Variants in PHKB observed in about 807,000 individuals in gnomAD.
PHKB encodes phosphorylase b kinase regulatory subunit beta.
In PHKB, 122 loss-of-function variants were observed where a neutral mutation model predicts 152.1. The ratio of observed to expected loss-of-function variants is 0.80; its 90% confidence interval spans 0.69 to 0.93. The LOEUF is 0.93. Among genes scored for constraint, PHKB ranks in the 40% least tolerant of loss-of-function variants. The probability of loss-of-function intolerance (pLI) is 0.00; values close to 1 mark genes in which losing one functional copy is unlikely to be tolerated. For missense variants in PHKB, 1,304 were observed against 1,328.4 expected (o/e 0.98, Z 0.29); for synonymous variants, 436 against 464.9 (o/e 0.94, Z 0.80).
Position 47,557,224 on chromosome 16 carries a change from A to G in PHKB, c.710+9676A>G, listed in dbSNP as rs542556130. 3.9e-5 allele frequency among the ~76,000 whole-genome samples: 6 copies of G among 152,302 alleles called. No homozygotes were observed. The East Asian group carries it at 1.2e-3, about 29-fold the overall frequency. On this transcript the variant is annotated intron_variant, in intron 7 of 30. Coordinates refer to ENST00000323584, the MANE Select transcript of PHKB (RefSeq NM_000293.3). ...GATCCCTTCCTTACACCTTATACAA[A>G]AATTAATTCAAGATGGATTAAAGAC...
intron 5 of PHKB, among the ~76,000 whole-genome samples, chr16:47,515,198 G>T (rs1970575225): frequency 6.6e-6 from 1 of 152,176 alleles, no homozygotes; most frequent in Admixed American, 6.5e-5. Flanking sequence ...AAAAACAAAT[G>T]ATATGTTCCT....
intron 16 of PHKB, among the ~76,000 whole-genome samples, chr16:47,646,572 T>TAA (rs35849346): frequency 0.083 from 8,936 of 107,474 alleles, 513 homozygotes; most frequent in African/African-American, 0.18. Flanking sequence ...AAAAAAATAA[T>TAA]AAAAAAAAAA....
intron 7 of PHKB, among the ~76,000 whole-genome samples, chr16:47,577,261 G>C (rs974175670): frequency 6.6e-6 from 1 of 152,036 alleles, no homozygotes; most frequent in African/African-American, 2.4e-5. Flanking sequence ...TTCAAATGAA[G>C]TATAGAAAAC....
intron 3 of PHKB, among the ~76,000 whole-genome samples, chr16:47,500,725 C>T (rs1970311276): frequency 6.6e-6 from 1 of 151,154 alleles, no homozygotes; most frequent in Non-Finnish European, 1.5e-5. Flanking sequence ...AATAGTTAGA[C>T]AATACAAAAT....
chr16:47,663,744 A>G lies in PHKB; in HGVS notation c.2336+10A>G. On this transcript the variant is annotated intron_variant, in intron 24 of 30. Coordinates refer to ENST00000323584, the MANE Select transcript of PHKB (RefSeq NM_000293.3). The stretch of plus-strand genomic sequence containing the variant: ...GCAGCCAAAAACTTTGGTTTGTATT[A>G]GTGTCCTTGTTGTTATGTTTTATTT... 2 of 1,495,648 alleles carry G rather than the reference A, an allele frequency of 1.3e-6. No homozygotes were observed. The highest frequency in any genetic ancestry group is 1.1e-5 in the South Asian group (1 of 88,752). The allele number at this position is 1,495,648 out of a possible 1,614,324, so 92.6% of individuals were successfully genotyped here.
intron 14 of PHKB, among the ~76,000 whole-genome samples, chr16:47,611,249 T>C (rs370674393): frequency 1.6e-4 from 25 of 152,222 alleles, no homozygotes; most frequent in African/African-American, 4.8e-4. Flanking sequence ...CCAAAAGGCC[T>C]GTGCTTGATG....
intron 1 of PHKB, among the ~76,000 whole-genome samples, chr16:47,476,850 C>A (rs1406370984): frequency 6.6e-6 from 1 of 152,138 alleles, no homozygotes; most frequent in East Asian, 1.9e-4. Context: ...TCATATGATG[C>A]CCCAGTGGCT....
intron 7 of PHKB, among the ~76,000 whole-genome samples, chr16:47,564,358 TAATG>T (rs1268723548): frequency 3.9e-5 from 6 of 152,182 alleles, no homozygotes; most frequent in Non-Finnish European, 8.8e-5. Context: ...GACTTTTTAA[TAATG>T]GTAATTCTGG....
intron 1 of PHKB, chr16:47,462,620 T>TGA (rs973705537): frequency 6.6e-6 from 1 of 150,982 alleles, no homozygotes; most frequent in Non-Finnish European, 1.5e-5. Context: ...GGCGACAGAG[T>TGA]GAGACTCCGT....
intron 16 of PHKB, among the ~76,000 whole-genome samples, chr16:47,645,393 A>C (rs1444774359): frequency 9.0e-6 from 1 of 111,284 alleles, no homozygotes; most frequent in African/African-American, 3.5e-5. Flanking sequence ...TTTTTGTATA[A>C]GGTGTAAGGA....
intron 2 of PHKB, among the ~76,000 whole-genome samples, chr16:47,499,178 C>A (rs923049671): frequency 6.6e-6 from 1 of 152,120 alleles, no homozygotes; most frequent in African/African-American, 2.4e-5. Context: ...ATTTTCCTAA[C>A]CTGTACAATA....
chr16:47,643,631 A>G (rs949787056), intron 16 of PHKB, among the ~76,000 whole-genome samples: 4 of 152,142 alleles, frequency 2.6e-5, no homozygotes, highest in African/African-American at 7.2e-5. Context: ...TTGGATATAT[A>G]CTAAGATATA....
intron 23 of PHKB, among the ~76,000 whole-genome samples, chr16:47,662,947 T>C (rs949529232): frequency 4.6e-5 from 7 of 152,164 alleles, no homozygotes; most frequent in Admixed American, 4.6e-4. Flanking sequence ...AAGGGAATGA[T>C]GTTGTAAACC....
chr16:47,566,629 G>A, intron 7 of PHKB: 1 of 1,167,966 alleles, frequency 8.6e-7, no homozygotes, highest in Non-Finnish European at 1.3e-6. Flanking sequence ...AATTTGGGAA[G>A]ATGGCTCCAG....
intron 25 of PHKB, among the ~76,000 whole-genome samples, chr16:47,668,444 C>T (rs1973577320): frequency 6.6e-6 from 1 of 152,068 alleles, no homozygotes; most frequent in South Asian, 2.1e-4. Flanking sequence ...GTACACTGTA[C>T]ATGAAAAAGA....
Position 47,556,890 on chromosome 16 carries a change from A to T in PHKB, c.710+9342A>T, listed in dbSNP as rs184927079. On this transcript the variant is annotated intron_variant, in intron 7 of 30. Transcript: ENST00000323584. ...TCAGGTAGAATTCGGCTGTGAATCC[A>T]TCTGGTCCTGGACTCTTTTTGGTTG... 4.6e-4 allele frequency among the ~76,000 whole-genome samples: 70 copies of T among 152,218 alleles called. 1 individual carries two copies. The highest frequency in any genetic ancestry group is 4.3e-3 in the Admixed American group (66 of 15,282).
intron 7 of PHKB, among the ~76,000 whole-genome samples, chr16:47,557,386 A>T (rs1244258159): frequency 1.3e-5 from 2 of 152,256 alleles, no homozygotes; most frequent in African/African-American, 4.8e-5. Flanking sequence ...GACAAATGGG[A>T]CCTAATTAAA....
In PHKB at chr16:47,549,003, G is replaced by A. The variant is rs558243831; in HGVS notation, c.710+1455G>A. On this transcript the variant is annotated intron_variant, in intron 7 of 30. Coordinates refer to ENST00000323584, the MANE Select transcript of PHKB (RefSeq NM_000293.3). Reference sequence around the variant, plus strand: ...ACTTTCAGATTAATCCTTAACTGACGTGGAAACCTTTTTCTTTAGGTTTTG... The same window carrying A: ...ACTTTCAGATTAATCCTTAACTGACATGGAAACCTTTTTCTTTAGGTTTTG... Among the ~76,000 whole-genome samples the A allele has an allele frequency of 1.4e-4, 22 of 152,218 alleles. No individual in the cohort carries two copies. The East Asian group carries it at 3.5e-3, about 24-fold the overall frequency.
chr16:47,610,146 C>T (rs1349176507), intron 13 of PHKB, among the ~76,000 whole-genome samples: 1 of 149,820 alleles, frequency 6.7e-6, no homozygotes, highest in East Asian at 2.0e-4. Context: ...GCACACACAA[C>T]CATGCCCAGC....
Sources: allele counts gnomAD v4.1 joint callset (sites outside exome capture counted in the v4.1 genomes callset), GRCh38; gene constraint gnomAD v4.1.1; transcripts MANE v1.5; gene names NCBI Gene and HGNC (gene_info 2026-07-23, HGNC 2026-07-21).